The following GRM8 variants were observed in gnomAD, a reference collection of about 807,000 sequenced individuals.
GRM8 encodes glutamate metabotropic receptor 8.
A neutral mutation model predicts 87.2 loss-of-function variants in GRM8; 47 were observed. That is an observed-to-expected ratio of 0.54 (90% CI 0.43 to 0.69). The LOEUF (loss-of-function observed/expected upper bound fraction) is 0.69, where lower values mean the gene tolerates loss of function less well. Ranked by LOEUF, GRM8 falls within the 30% of genes least tolerant of loss-of-function variation. The probability of loss-of-function intolerance (pLI) is 0.00; values close to 1 mark genes in which losing one functional copy is unlikely to be tolerated. For synonymous variants in GRM8, 396 were observed against 404.5 expected (o/e 0.98, Z 0.25); for missense variants, 1,019 against 1,139.2 (o/e 0.89, Z 1.52).
intron 8 of GRM8, among the ~76,000 whole-genome samples, chr7:126,575,936 T>A (rs1236088325): frequency 6.6e-6 from 1 of 152,138 alleles, no homozygotes; most frequent in Non-Finnish European, 1.5e-5. Context: ...CCCAGAATGG[T>A]TACTAACAAG....
chr7:126,628,939 A>C (rs903507455), intron 7 of GRM8, among the ~76,000 whole-genome samples: 1 of 152,106 alleles, frequency 6.6e-6, no homozygotes, highest in African/African-American at 2.4e-5. Flanking sequence ...AAGGAGAGGA[A>C]GGGATAATGA....
intron 2 of GRM8, among the ~76,000 whole-genome samples, chr7:127,136,432 C>T (rs1285826516): frequency 2.0e-5 from 3 of 152,056 alleles, no homozygotes; most frequent in Non-Finnish European, 2.9e-5. Context: ...AGCTAGTATC[C>T]ATAATAGTAC....
chr7:127,101,676 C>T (rs774008645), intron 3 of GRM8, among the ~76,000 whole-genome samples: 1 of 152,148 alleles, frequency 6.6e-6, no homozygotes. Context: ...AACCATAAGC[C>T]AATTAAACCT....
At chr7:126,882,006 T>C (rs1468899278) in intron 6 of GRM8, among the ~76,000 whole-genome samples, 2 of 152,158 alleles carry the variant, frequency 1.3e-5, no homozygotes, top group Non-Finnish European at 2.9e-5. Context: ...TCCCCTGGCC[T>C]TAACAAATAT....
Position 126,991,748 on chromosome 7 carries a change from CTCAT to C in GRM8, c.728-87069_728-87066del, listed in dbSNP as rs3834358. 3.3e-5 allele frequency among the ~76,000 whole-genome samples: 5 copies of C among 152,120 alleles called. No homozygotes were observed. In the East Asian group the frequency reaches 9.7e-4, roughly 29 times the overall value. The stretch of plus-strand genomic sequence containing the variant: ...TGGAAACAGAGTTGATTTTTAAAAT[CTCAT>C]TATGTTAGAGGGAAAGTGTATGGTC... On this transcript the variant is annotated intron_variant, in intron 3 of 10. Coordinates refer to ENST00000339582, the MANE Select transcript of GRM8 (RefSeq NM_000845.3).
At chr7:126,985,874 T>C (rs1812005075) in intron 3 of GRM8, among the ~76,000 whole-genome samples, 1 of 152,206 alleles carries the variant, frequency 6.6e-6, no homozygotes, top group South Asian at 2.1e-4. Flanking sequence ...AGTTTCAACA[T>C]AAGTTTTGGA....
Position 126,848,654 on chromosome 7 carries a change from C to T in GRM8, c.1156+53888G>A, listed in dbSNP as rs183181496. Among the ~76,000 whole-genome samples, 160 of 151,896 alleles carry T rather than the reference C, an allele frequency of 1.1e-3. 1 individual carries two copies. The highest frequency in any genetic ancestry group is 0.01 in the Middle Eastern group (3 of 292). On this transcript the variant is annotated intron_variant, in intron 6 of 10. Coordinates refer to ENST00000339582, the MANE Select transcript of GRM8 (RefSeq NM_000845.3). ...TGGGCAACATGGCGAAACTCAATCT[C>T]TACAAAAAAATACAAAATTATCTGG...
Position 126,438,857 on chromosome 7 carries a change from T to A in GRM8, c.*262A>T, listed in dbSNP as rs1306787032. The A allele has an allele frequency of 5.6e-6, 2 of 355,698 alleles. No individual in the cohort carries two copies. Among genetic ancestry groups the A allele is most frequent in the Admixed American group, 4.5e-5 (1 of 22,398 alleles). The allele number at this position is 355,698 out of a possible 1,614,324, so 22.0% of individuals were successfully genotyped here. A position where few individuals can be genotyped will look rare whatever the true frequency, so the allele number is the denominator to read the frequency against. On this transcript the variant is annotated 3_prime_UTR_variant, in exon 11 of 11. Transcript: ENST00000339582. ...TTTTTTCACGAGCTAACATTAGTTT[T>A]CCTTTTGTGATTTGTTTTAACTGCT...
intron 3 of GRM8, among the ~76,000 whole-genome samples, chr7:126,940,895 A>G (rs1806849971): frequency 6.6e-6 from 1 of 152,210 alleles, no homozygotes; most frequent in Non-Finnish European, 1.5e-5. Context: ...AATGCAGATG[A>G]CATTGTCGAA....
chr7:126,722,895 A>AT (rs5741662), intron 7 of GRM8, among the ~76,000 whole-genome samples: 40,524 of 143,846 alleles, frequency 0.28, 6,562 homozygotes, highest in African/African-American at 0.4. Flanking sequence ...TGTGAAAAAA[A>AT]ATATATATAA....
intron 7 of GRM8, among the ~76,000 whole-genome samples, chr7:126,622,985 C>T (rs184559666): frequency 6.6e-6 from 1 of 152,294 alleles, no homozygotes; most frequent in Admixed American, 6.5e-5. Flanking sequence ...AGACACAATG[C>T]TTGATTCTTA....
At chr7:126,565,247 A>G (rs1794112728) in intron 8 of GRM8, among the ~76,000 whole-genome samples, 1 of 152,282 alleles carries the variant, frequency 6.6e-6, no homozygotes. Flanking sequence ...AAAGAAGCAA[A>G]ATTGTCCCTG....
intron 6 of GRM8, among the ~76,000 whole-genome samples, chr7:126,806,981 C>T (rs1040359882): frequency 6.6e-6 from 1 of 152,168 alleles, no homozygotes; most frequent in Non-Finnish European, 1.5e-5. Flanking sequence ...GCTCCTCGAG[C>T]GCGGCCAGAG....
chr7:126,591,420 A>G (rs1310446668), intron 8 of GRM8, among the ~76,000 whole-genome samples: 1 of 152,116 alleles, frequency 6.6e-6, no homozygotes. Context: ...ACAGCAACAC[A>G]TTAATAGTGG....
At chr7:126,733,480 A>T (rs546673981) in intron 7 of GRM8, among the ~76,000 whole-genome samples, 1 of 151,064 alleles carries the variant, frequency 6.6e-6, no homozygotes, top group East Asian at 1.9e-4. Flanking sequence ...AAAAAAAAAT[A>T]AAGCCCTGTA....
chr7:126,805,956 C>CT lies in GRM8; in HGVS notation c.1157-35892dup, dbSNP rs774903979. ...AGTCACCAACAAAACTGGACGAGGTCTTTTTTCTATTCTATTTTGTTTTTG... is the reference window on the plus strand; with the variant it reads ...AGTCACCAACAAAACTGGACGAGGTCTTTTTTTCTATTCTATTTTGTTTTTG... On this transcript the variant is annotated intron_variant, in intron 6 of 10. Transcript: ENST00000339582. Among the ~76,000 whole-genome samples, 237 of 152,256 alleles carry CT rather than the reference C, an allele frequency of 1.6e-3. 1 individual carries two copies. Among genetic ancestry groups the CT allele is most frequent in the Non-Finnish European group, 1.6e-3 (106 of 68,002 alleles).
intron 3 of GRM8, among the ~76,000 whole-genome samples, chr7:127,043,719 C>G (rs1226752349): frequency 6.6e-6 from 1 of 152,082 alleles, no homozygotes; most frequent in African/African-American, 2.4e-5. Flanking sequence ...ACATATGTAA[C>G]AAACCTGCAC....
chr7:126,897,882 G>T (rs1801698510), intron 6 of GRM8, among the ~76,000 whole-genome samples: 1 of 152,052 alleles, frequency 6.6e-6, no homozygotes, highest in African/African-American at 2.4e-5. Flanking sequence ...TCAGAAAACT[G>T]TTTCTACTGA....
intron 2 of GRM8, among the ~76,000 whole-genome samples, chr7:127,151,611 G>A (rs1240603023): frequency 1.3e-5 from 2 of 151,932 alleles, no homozygotes; most frequent in African/African-American, 2.4e-5. Flanking sequence ...TATCATTATC[G>A]TCCTCACAGA....
Sources: gnomAD v4.1 joint callset for allele counts (sites outside exome capture counted in the v4.1 genomes callset) on GRCh38, gnomAD v4.1.1 for gene constraint, MANE v1.5 for transcripts, NCBI Gene and HGNC (gene_info 2026-07-23, HGNC 2026-07-21) for gene names.